Variants in RUNX1T1 observed in about 807,000 individuals in gnomAD.
The protein encoded by RUNX1T1 is protein CBFA2T1.
In RUNX1T1, 4 loss-of-function variants were observed where a neutral mutation model predicts 62.8. The observed-to-expected ratio is 0.06, with a 90% confidence interval of 0.03 to 0.15. The LOEUF is 0.15. RUNX1T1 is among the 10% of genes least tolerant of loss of function. The pLI, the probability that RUNX1T1 is intolerant of heterozygous loss-of-function variation, is 1.00. For synonymous variants in RUNX1T1, 291 were observed against 286.0 expected (o/e 1.02, Z -0.18); for missense variants, 508 against 754.3 (o/e 0.67, Z 3.82).
intron 1 of RUNX1T1, among the ~76,000 whole-genome samples, chr8:92,041,855 G>C (rs1337598114): frequency 6.8e-6 from 1 of 146,136 alleles, no homozygotes; most frequent in Non-Finnish European, 1.5e-5. Flanking sequence ...GTCTCTCTCT[G>C]TTGTCCAGGC....
chr8:92,040,016 G>A (rs1372417390), intron 1 of RUNX1T1, among the ~76,000 whole-genome samples: 1 of 152,130 alleles, frequency 6.6e-6, no homozygotes, highest in African/African-American at 2.4e-5. Context: ...CTGCTTAAAA[G>A]CATCCAGTGG....
chr8:91,960,558 A>C, intron 10 of RUNX1T1, 41 bp from the exon 12 acceptor site: 1 of 1,596,784 alleles, frequency 6.3e-7, no homozygotes, highest in Non-Finnish European at 8.6e-7. Flanking sequence ...CCAAGTTAAT[A>C]CACTGTTAAG....
intron 5 of RUNX1T1, chr8:91,994,590 G>C (rs548083972): frequency 6.0e-6 from 3 of 497,038 alleles, no homozygotes; most frequent in South Asian, 1.5e-5. Context: ...CCTTGGTCAA[G>C]TCACTTAACC....
At chr8:92,096,182 A>C (rs1327768437) in intron 1 of RUNX1T1, among the ~76,000 whole-genome samples, 3 of 152,218 alleles carry the variant, frequency 2.0e-5, no homozygotes, top group African/African-American at 7.2e-5. Flanking sequence ...CATTGTGATA[A>C]GGAGGAACAC....
chr8:92,078,471 C>T (rs1321484696), intron 1 of RUNX1T1, among the ~76,000 whole-genome samples: 4 of 151,886 alleles, frequency 2.6e-5, no homozygotes, highest in South Asian at 2.1e-4. Context: ...AACCTCATTA[C>T]GAGGGGAACA....
chr8:92,090,608 C>A (rs1335052575), intron 1 of RUNX1T1, among the ~76,000 whole-genome samples: 1 of 152,076 alleles, frequency 6.6e-6, no homozygotes, highest in Non-Finnish European at 1.5e-5. Flanking sequence ...CAGCTAGAAG[C>A]CAACTCTGAT....
At chr8:92,023,426 G>A (rs1460780385) in intron 1 of RUNX1T1, among the ~76,000 whole-genome samples, 1 of 152,082 alleles carries the variant, frequency 6.6e-6, no homozygotes, top group Non-Finnish European at 1.5e-5. Context: ...TGAAAGTGAT[G>A]ATCATAACTA....
intron 1 of RUNX1T1, among the ~76,000 whole-genome samples, chr8:92,044,234 T>C (rs746613438): frequency 2.6e-5 from 4 of 152,080 alleles, no homozygotes; most frequent in Non-Finnish European, 4.4e-5. Context: ...AAAAATTCAA[T>C]AGTAGCGATA....
chr8:92,080,984 G>A (rs1174094273), intron 1 of RUNX1T1, among the ~76,000 whole-genome samples: 1 of 152,194 alleles, frequency 6.6e-6, no homozygotes, highest in Non-Finnish European at 1.5e-5. Context: ...CTCTGTTGCA[G>A]ATATAATTTA....
At chr8:92,020,842 T>C (rs1211100672) in intron 1 of RUNX1T1, among the ~76,000 whole-genome samples, 2 of 151,176 alleles carry the variant, frequency 1.3e-5, no homozygotes, top group Non-Finnish European at 2.9e-5. Flanking sequence ...TTTTTTTTTT[T>C]CAATAAAAAG....
intron 1 of RUNX1T1, chr8:92,095,677 G>C: frequency 1.1e-6 from 1 of 920,918 alleles, no homozygotes; most frequent in Non-Finnish European, 1.5e-6. Flanking sequence ...AGGCAGGAGG[G>C]AAGGAGGGAT....
At chr8:91,976,823 T>C (rs1413250521) in intron 8 of RUNX1T1, among the ~76,000 whole-genome samples, 1 of 152,232 alleles carries the variant, frequency 6.6e-6, no homozygotes, top group Non-Finnish European at 1.5e-5. Context: ...ATGTCTTCCA[T>C]ATTGGATTTT....
chr8:91,965,704 C>A (rs148243415), intron 10 of RUNX1T1, among the ~76,000 whole-genome samples: 1 of 152,066 alleles, frequency 6.6e-6, no homozygotes, highest in Admixed American at 6.6e-5. Flanking sequence ...CACTTTATTG[C>A]AAACCCCTCT....
chr8:91,955,314 T>C, downstream of RUNX1T1: 1 of 223,932 alleles, frequency 4.5e-6, no homozygotes, highest in Non-Finnish European at 8.9e-6. Context: ...GTTTCTGGCC[T>C]TTTTCACTTT....
intron 2 of RUNX1T1, among the ~76,000 whole-genome samples, chr8:92,074,503 C>G (rs6471318): frequency 0.84 from 127,788 of 152,230 alleles, 53,942 homozygotes; most frequent in East Asian, 0.99. Flanking sequence ...AAGGCAGAAA[C>G]CAAGGAGTTC....
downstream of RUNX1T1, chr8:91,958,795 T>C (rs1351391362): frequency 1.3e-4 from 25 of 188,508 alleles, 1 homozygote; most frequent in Admixed American, 1.6e-3. Flanking sequence ...AATACATTTA[T>C]GTACATCCCT....
intron 10 of RUNX1T1, among the ~76,000 whole-genome samples, chr8:91,961,861 C>A (rs1473888169): frequency 6.6e-6 from 1 of 152,072 alleles, no homozygotes; most frequent in Non-Finnish European, 1.5e-5. Context: ...ATCTGGTAAC[C>A]CCAAACAGCT....
At chr8:92,009,608 T>TC (rs1821544045) in intron 4 of RUNX1T1, 1 of 150,842 alleles carries the variant, frequency 6.6e-6, no homozygotes, top group African/African-American at 2.4e-5. Flanking sequence ...CTTTTTTTTT[T>TC]TTTCTTTTTT....
intron 1 of RUNX1T1, among the ~76,000 whole-genome samples, chr8:92,059,800 T>C (rs1045329802): frequency 2.6e-5 from 4 of 152,154 alleles, no homozygotes; most frequent in African/African-American, 9.7e-5. Flanking sequence ...TAAAACCAGA[T>C]TTTGAAAACA....
Sources: allele counts gnomAD v4.1 joint callset (sites outside exome capture counted in the v4.1 genomes callset), GRCh38; gene constraint gnomAD v4.1.1; transcripts MANE v1.5; gene names NCBI Gene and HGNC (gene_info 2026-07-23, HGNC 2026-07-21).